The following RUNDC1 variants were observed in gnomAD, a reference collection of about 807,000 sequenced individuals.
RUNDC1 encodes the protein RUN domain containing 1.
RUNDC1 carries 31 observed loss-of-function variants against 49.3 expected under a neutral mutation model. The observed-to-expected ratio is 0.63, with a 90% CI of 0.47 to 0.85. The LOEUF is 0.85. RUNDC1 is among the 40% of genes least tolerant of loss of function. The pLI, the probability that RUNDC1 is intolerant of heterozygous loss-of-function variation, is 0.00. For synonymous variants in RUNDC1, 347 were observed against 348.6 expected (o/e 1.00, Z 0.05); for missense variants, 715 against 806.7 (o/e 0.89, Z 1.38).
intron 1 of RUNDC1, among the ~76,000 whole-genome samples, chr17:42,986,862 G>C (rs1472163631): frequency 6.6e-6 from 1 of 152,082 alleles, no homozygotes; most frequent in Non-Finnish European, 1.5e-5. Flanking sequence ...GCAAAATTTG[G>C]CTGCACAGAG....
rs1412217645 is a variant in RUNDC1, at chr17:42,993,454, C to T, written c.*1738C>T. 1 of 152,098 alleles carries T rather than the reference C, an allele frequency of 6.6e-6. No individual in the cohort carries two copies. Among genetic ancestry groups the T allele is most frequent in the Non-Finnish European group, 1.5e-5 (1 of 68,014 alleles). The allele number at this position is 152,098 out of a possible 1,614,324, so 9.4% of individuals were successfully genotyped here. On this transcript the variant is annotated 3_prime_UTR_variant, in exon 5 of 5. Transcript: ENST00000361677. ...AGTGCATTTTAACTTAAATTTTTTC[C>T]AGCAACATGTTACTTATTTAAGATA...
Position 42,980,986 on chromosome 17 carries a change from T to G in RUNDC1, c.410T>G (p.Val137Gly). 6.5e-7 allele frequency: 1 copy of G among 1,545,622 alleles called. No homozygotes were observed. The highest frequency in any genetic ancestry group is 8.7e-7 in the Non-Finnish European group (1 of 1,151,894). The change falls in exon 1 of 5, where the codon GTC (valine) becomes GGC (glycine). Residue 137 changes from valine to glycine, a missense_variant. This residue lies in a region of RUNDC1 where 113 missense variants were observed against 93.4 expected (regional missense o/e 1.21). Coordinates refer to ENST00000361677, the MANE Select transcript of RUNDC1 (RefSeq NM_173079.5). ...TTCGCCTTCCGCGGCTGCCCTCACG[T>G]CCTAGGTTACGAAGGGCCCGGCGAC... is the stretch of plus-strand genomic sequence containing the variant. ...EDFAFRGCPH[V>G]LGYEGPGDPA... is the part of the protein sequence containing the mutation.
In RUNDC1 at chr17:42,987,394, G is replaced by A. The variant is rs371790855; in HGVS notation, c.637G>A (p.Val213Met). The change falls in exon 2 of 5, where the codon GTG (valine) becomes ATG (methionine). Residue 213 changes from valine (V) to methionine (M), a missense_variant. Val to Met is a conservative substitution (Grantham distance 21). Around this residue, in one of 5 missense-constraint regions of RUNDC1, gnomAD observed 15 missense variants for 47.9 expected, o/e 0.31. Coordinates refer to ENST00000361677, the MANE Select transcript of RUNDC1 (RefSeq NM_173079.5). ...EGSYDSLPQS[V>M]VLERQRVIID... Reference sequence around the variant, plus strand: ...CAGTTATGACTCGCTGCCACAGTCCGTGGTGTTGGAAAGACAGCGGGTGAG... The same window carrying A: ...CAGTTATGACTCGCTGCCACAGTCCATGGTGTTGGAAAGACAGCGGGTGAG... 22 of 1,614,046 alleles carry A rather than the reference G, an allele frequency of 1.4e-5. No homozygotes were observed. Among genetic ancestry groups the A allele is most frequent in the Non-Finnish European group, 1.8e-5 (21 of 1,180,022 alleles).
rs763431743 is a variant in RUNDC1, at chr17:42,991,388, C to G, written c.1514C>G (p.Thr505Arg). The change falls in exon 5 of 5, where the codon ACG (threonine) becomes AGG (arginine). Residue 505 changes from threonine (T) to arginine (R), a missense_variant. Physicochemically the swap from Thr to Arg is moderately conservative, Grantham distance 71. Transcript: ENST00000361677. ...TCCCAGTCCTTCGCCCTTCCTGTTACGGGAGGCACTGTTGTCACCCCCAAA... is the reference window on the plus strand; with the variant it reads ...TCCCAGTCCTTCGCCCTTCCTGTTAGGGGAGGCACTGTTGTCACCCCCAAA... Reference protein sequence around the residue: ...KLSQSFALPVTGGTVVTPKQS... With the variant: ...KLSQSFALPVRGGTVVTPKQS... The G allele has an allele frequency of 1.2e-6, 2 of 1,614,200 alleles. No homozygotes were observed. The highest frequency in any genetic ancestry group is 1.1e-5 in the South Asian group (1 of 91,086).
intron 1 of RUNDC1, chr17:42,985,602 CTTT>C (rs71157692): frequency 1.8e-4 from 31 of 170,966 alleles, no homozygotes; most frequent in South Asian, 3.9e-4. Context: ...TTGTTGTTTT[CTTT>C]TTTTTTTTTT....
At position 42,980,616 on chromosome 17, in the gene RUNDC1, G is replaced by T; in HGVS notation, c.40G>T (p.Val14Leu). ...AGCGGCTGCAGAGCCGGTAACGGTG[G>T]TGGCGGCTGTTGGGCCAAAGGCGAA... ...VEAAAEPVTVVAAVGPKAKDE... is the reference protein window; with the variant it reads ...VEAAAEPVTVLAAVGPKAKDE... Residue 14 changes from valine (V) to leucine (L), a missense_variant, in exon 1 of 5, where the codon GTG (valine) becomes TTG (leucine). Val to Leu is a conservative substitution (Grantham distance 32). This residue lies in a region of RUNDC1 where 153 missense variants were observed against 139.4 expected (regional missense o/e 1.10). Transcript: ENST00000361677. 1.2e-6 allele frequency: 2 copies of T among 1,609,122 alleles called. No homozygotes were observed. Among genetic ancestry groups the T allele is most frequent in the Non-Finnish European group, 1.7e-6 (2 of 1,179,136 alleles).
At position 42,992,956 on chromosome 17, in the gene RUNDC1, C is replaced by G. The variant is rs531965327; in HGVS notation, c.*1240C>G. On this transcript the variant is annotated 3_prime_UTR_variant, in exon 5 of 5. Transcript: ENST00000361677. ...TGTTCTCCAGCAAGTAAACATTCCT[C>G]TGCTCACCTCCCAACAAGACTAACA... 6.6e-6 allele frequency: 1 copy of G among 152,202 alleles called. No homozygotes were observed. Among genetic ancestry groups the G allele is most frequent in the Non-Finnish European group, 1.5e-5 (1 of 68,038 alleles). The allele number at this position is 152,202 out of a possible 1,614,324, so 9.4% of individuals were successfully genotyped here.
At chr17:42,983,030 AAG>A (rs1270740997) in intron 1 of RUNDC1, among the ~76,000 whole-genome samples, 1 of 150,784 alleles carries the variant, frequency 6.6e-6, no homozygotes, top group African/African-American at 2.4e-5. Context: ...AAAAAAAAAA[AAG>A]ACTGTGTGCA....
Position 42,980,762 on chromosome 17 carries a change from C to A in RUNDC1, c.186C>A (p.Ala62=). 1 of 1,500,866 alleles carries A rather than the reference C, an allele frequency of 6.7e-7. No homozygotes were observed. Among genetic ancestry groups the A allele is most frequent in the South Asian group, 1.2e-5 (1 of 81,392 alleles). The allele number at this position is 1,500,866 out of a possible 1,614,324, so 93.0% of individuals were successfully genotyped here. ...CCGCGTTTTTAGAAGAGGCGACGGC[C>A]GAGGAGCCTGGCGCGGCCCCGGGCT... The part of the protein sequence containing the change: ...GATAFLEEAT[A]EEPGAAPGSP... The change falls in exon 1 of 5, where the codon GCC becomes GCA. Residue 62 remains alanine (A), a synonymous_variant. Transcript: ENST00000361677.
At chr17:42,986,574 T>C (rs887358735) in intron 1 of RUNDC1, among the ~76,000 whole-genome samples, 4 of 152,084 alleles carry the variant, frequency 2.6e-5, no homozygotes, top group African/African-American at 9.7e-5. Context: ...CTCTGCTCAC[T>C]GCAAGCTCCG....
intron 4 of RUNDC1, 112 bp downstream of exon 4, chr17:42,990,548 T>C: frequency 1.8e-6 from 2 of 1,120,418 alleles, no homozygotes; most frequent in Non-Finnish European, 2.5e-6. Context: ...GCTGATGGTA[T>C]GGATTTGCTT....
At position 42,992,475 on chromosome 17, in the gene RUNDC1, C is replaced by T. The variant is rs189786; in HGVS notation, c.*759C>T. 16 of 143,818 alleles carry T rather than the reference C, an allele frequency of 1.1e-4. No individual in the cohort carries two copies. The highest frequency in any genetic ancestry group is 8.4e-4 in the East Asian group (4 of 4,766). 8.9% of individuals were successfully genotyped at this position (143,818 alleles called of 1,614,324 possible). A position where few individuals can be genotyped will look rare whatever the true frequency, so the allele number is the denominator to read the frequency against. The stretch of plus-strand genomic sequence containing the variant: ...TCCCAGCTACTCAGGAGGCTGAGGC[C>T]GGAGAATCGCTTGAGCCCGAGAGGT... On this transcript the variant is annotated 3_prime_UTR_variant, in exon 5 of 5. Transcript: ENST00000361677.
rs765796687 is a variant in RUNDC1, at chr17:42,991,375, G to A, written c.1501G>A (p.Ala501Thr). ...AGCCCGGAAGCTCTCCCAGTCCTTC[G>A]CCCTTCCTGTTACGGGAGGCACTGT... ...SPARKLSQSF[A>T]LPVTGGTVVT... The change falls in exon 5 of 5, where the codon GCC becomes ACC. Residue 501 changes from alanine to threonine, a missense_variant. By Grantham distance (58) the Ala-to-Thr change is moderately conservative. Transcript: ENST00000361677. 3 of 1,614,164 alleles carry A rather than the reference G, an allele frequency of 1.9e-6. No homozygotes were observed. The highest frequency in any genetic ancestry group is 1.7e-5 in the Admixed American group (1 of 60,014).
intron 1 of RUNDC1, among the ~76,000 whole-genome samples, chr17:42,982,906 G>C (rs1171156307): frequency 6.6e-6 from 1 of 151,042 alleles, no homozygotes; most frequent in African/African-American, 2.4e-5. Flanking sequence ...AGAATCGCTT[G>C]AACCTGGGAG....
rs995170925 is a variant in RUNDC1, at chr17:42,993,005, C to A, written c.*1289C>A. Reference sequence around the variant, plus strand: ...CAGTCTTTTTAGAAGTAAATATATTCAAGACAAACGAGAAAATCCTGGCTA... The same window carrying A: ...CAGTCTTTTTAGAAGTAAATATATTAAAGACAAACGAGAAAATCCTGGCTA... On this transcript the variant is annotated 3_prime_UTR_variant, in exon 5 of 5. Transcript: ENST00000361677. The A allele has an allele frequency of 6.6e-6, 1 of 152,182 alleles. No homozygotes were observed. Among genetic ancestry groups the A allele is most frequent in the Non-Finnish European group, 1.5e-5 (1 of 68,040 alleles). The allele number at this position is 152,182 out of a possible 1,614,324, so 9.4% of individuals were successfully genotyped here. A position where few individuals can be genotyped will look rare whatever the true frequency, so the allele number is the denominator to read the frequency against.
intron 1 of RUNDC1, among the ~76,000 whole-genome samples, chr17:42,983,375 C>CTTT (rs1179147349): frequency 3.0e-4 from 39 of 129,548 alleles, no homozygotes; most frequent in Non-Finnish European, 3.8e-4. Context: ...TTTCTTTTTC[C>CTTT]TTTTTTTTTT....
In RUNDC1 at chr17:42,991,510, C is replaced by T; in HGVS notation, c.1636C>T (p.Leu546=). Residue 546 remains leucine (L), a synonymous_variant, in exon 5 of 5, where the codon CTG becomes TTG. Coordinates refer to ENST00000361677, the MANE Select transcript of RUNDC1 (RefSeq NM_173079.5). Reference sequence around the variant, plus strand: ...ATTGAAGGCCTTGGTGTGCATGGCACTGAATGAGCAGCGTCTGGTGTCCTG... The same window carrying T: ...ATTGAAGGCCTTGGTGTGCATGGCATTGAATGAGCAGCGTCTGGTGTCCTG... ...SELKALVCMA[L]NEQRLVSWVN... The T allele has an allele frequency of 5.6e-6, 9 of 1,614,166 alleles. No individual in the cohort carries two copies. Among genetic ancestry groups the T allele is most frequent in the Non-Finnish European group, 7.6e-6 (9 of 1,180,028 alleles).
chr17:42,993,187 ACAG>A lies in RUNDC1; in HGVS notation c.*1475_*1477del, dbSNP rs2050267524. The A allele has an allele frequency of 6.6e-6, 1 of 152,206 alleles. No individual in the cohort carries two copies. Among genetic ancestry groups the A allele is most frequent in the Non-Finnish European group, 1.5e-5 (1 of 68,034 alleles). 9.4% of individuals were successfully genotyped at this position (152,206 alleles called of 1,614,324 possible). ...TAGGTGCCACAGGAGGATAGGAACTACAGCAGATCGCTGTTTCCAGAACGGGGA... is the reference window on the plus strand; with the variant it reads ...TAGGTGCCACAGGAGGATAGGAACTACAGATCGCTGTTTCCAGAACGGGGA... On this transcript the variant is annotated 3_prime_UTR_variant, in exon 5 of 5. Transcript: ENST00000361677.
intron 2 of RUNDC1, among the ~76,000 whole-genome samples, chr17:42,988,209 CT>C (rs1287727325): frequency 6.6e-6 from 1 of 151,566 alleles, no homozygotes; most frequent in Non-Finnish European, 1.5e-5. Flanking sequence ...TTCTCTACCC[CT>C]GTGCTGTGGC....
Sources: gnomAD v4.1 joint callset for allele counts (sites outside exome capture counted in the v4.1 genomes callset) on GRCh38, gnomAD v4.1.1 for gene constraint, gnomAD v4.1.1 regional missense constraint, MANE v1.5 for transcripts, NCBI Gene and HGNC (gene_info 2026-07-23, HGNC 2026-07-21) for gene names.